Variants in TGIF1 observed in about 807,000 individuals in gnomAD.
TGIF1 encodes the protein homeobox protein TGIF1.
Under a neutral mutation model 19.3 loss-of-function variants are expected in TGIF1, and 4 were observed. That is an observed-to-expected ratio of 0.21 (90% CI 0.10 to 0.47). TGIF1 has a LOEUF of 0.47. Among genes scored for constraint, TGIF1 ranks in the 20% least tolerant of loss-of-function variants. The pLI is 0.98. For synonymous variants in TGIF1, 122 were observed against 129.3 expected (o/e 0.94, Z 0.38); for missense variants, 275 against 341.4 (o/e 0.81, Z 1.53).
chr18:3,452,263 C>T (rs1183002905), intron 1 of TGIF1: 1 of 1,609,902 alleles, frequency 6.2e-7, no homozygotes, highest in Non-Finnish European at 8.5e-7. Context: ...CGTGCCCTCT[C>T]CCCGGAGCTG....
At chr18:3,453,666 A>G in intron 1 of TGIF1, 6 of 395,544 alleles carry the variant, frequency 1.5e-5, no homozygotes, top group Non-Finnish European at 2.0e-5. Flanking sequence ...AGCCTGGGTG[A>G]CAAGAGCGAA....
intron 1 of TGIF1, among the ~76,000 whole-genome samples, chr18:3,454,736 G>T (rs925456807): frequency 2.6e-5 from 4 of 152,182 alleles, no homozygotes; most frequent in African/African-American, 9.7e-5. Flanking sequence ...TAAAACTTAG[G>T]ATTCTTGTGC....
upstream of TGIF1, chr18:3,448,637 A>AT: frequency 1.0e-6 from 1 of 980,424 alleles, no homozygotes; most frequent in Non-Finnish European, 1.2e-6. Context: ...TTCCCTGTTG[A>AT]TTCATTTTAG....
At chr18:3,447,743 A>G, upstream of TGIF1, 1 of 1,614,092 alleles carries the variant, frequency 6.2e-7, no homozygotes, top group Non-Finnish European at 8.5e-7. Context: ...TTTGGATATG[A>G]CTTGCTCGGG....
At position 3,415,340 on chromosome 18, in the gene TGIF1, T is replaced by C. The variant is rs549201772; in HGVS notation, c.-117-2803T>C. ...CTGGATGAGCAGAACTGGAATCTTA[T>C]GATGCGCAAAAGCCTATTGCGAAAT... On this transcript the variant is annotated intron_variant, in intron 1 of 3. Coordinates refer to the TGIF1 transcript ENST00000401449. 4 of 353,204 alleles carry C rather than the reference T, an allele frequency of 1.1e-5. No individual in the cohort carries two copies. The Admixed American group carries it at 1.1e-4, about 10-fold the overall frequency. The allele number at this position is 353,204 out of a possible 1,614,324, so 21.9% of individuals were successfully genotyped here. A position where few individuals can be genotyped will look rare whatever the true frequency, so the allele number is the denominator to read the frequency against.
chr18:3,429,859 C>G (rs1044159029), intron 2 of TGIF1, among the ~76,000 whole-genome samples: 1 of 152,224 alleles, frequency 6.6e-6, no homozygotes, highest in African/African-American at 2.4e-5. Flanking sequence ...AACACAATTA[C>G]CTGAAAAGGC....
At chr18:3,435,440 C>T (rs550659948) in intron 2 of TGIF1, among the ~76,000 whole-genome samples, 7 of 152,068 alleles carry the variant, frequency 4.6e-5, no homozygotes, top group African/African-American at 1.7e-4. Context: ...TCAGGCAATC[C>T]GCCTGCCTCG....
intron 1 of TGIF1, among the ~76,000 whole-genome samples, chr18:3,450,995 C>G (rs1228376414): frequency 7.1e-6 from 1 of 141,358 alleles, no homozygotes; most frequent in Non-Finnish European, 1.6e-5. Flanking sequence ...CGCCCCCCTA[C>G]TCCCAGCCGG....
intron 1 of TGIF1, among the ~76,000 whole-genome samples, chr18:3,453,158 G>C (rs2083040068): frequency 6.6e-6 from 1 of 151,846 alleles, no homozygotes; most frequent in Non-Finnish European, 1.5e-5. Context: ...GGCTGGTCTC[G>C]AACTCCTGGG....
At chr18:3,449,596 G>C (rs979547004), upstream of TGIF1, 1 of 982,754 alleles carries the variant, frequency 1.0e-6, no homozygotes, top group African/African-American at 1.8e-5. Flanking sequence ...AGAGCCCCGG[G>C]AGGAGAAGGG....
At chr18:3,453,745 G>T in intron 1 of TGIF1, 1 of 957,250 alleles carries the variant, frequency 1.0e-6, no homozygotes, top group Non-Finnish European at 1.2e-6. Context: ...TAGGGCGGTG[G>T]GATCCTCAGG....
rs770264815 is a variant in TGIF1, at chr18:3,456,570, C to G, written c.233C>G (p.Ser78Cys). The G allele has an allele frequency of 1.9e-6, 3 of 1,613,778 alleles. No individual in the cohort carries two copies. The highest frequency in any genetic ancestry group is 2.5e-6 in the Non-Finnish European group (3 of 1,179,626). Residue 78 changes from serine (S) to cysteine (C), a missense_variant, in exon 2 of 3, where the codon TCT becomes TGT. By Grantham distance (112) the Ser-to-Cys change is moderately radical (BLOSUM62 -1). Coordinates refer to ENST00000343820, the MANE Select transcript of TGIF1 (RefSeq NM_003244.4). This position sits in a 1 kb window ranked among gnomAD's most constrained non-coding sequence, Gnocchi z 4.2. Reference sequence around the variant, plus strand: ...TTGCTGTCCCAGCAAACACACCTGTCTACGCTACAGGTAAAGAAAGAGAGC... The same window carrying G: ...TTGCTGTCCCAGCAAACACACCTGTGTACGCTACAGGTAAAGAAAGAGAGC... ...KALLSQQTHL[S>C]TLQVCNWFIN... is the part of the protein sequence containing the mutation.
At chr18:3,416,056 G>GT (rs1345237001) in intron 1 of TGIF1, among the ~76,000 whole-genome samples, 8 of 152,278 alleles carry the variant, frequency 5.3e-5, no homozygotes, top group African/African-American at 1.9e-4. Flanking sequence ...ATTTGATATT[G>GT]TTTCTCAGAG....
rs111995711 is a variant in TGIF1, at chr18:3,423,433, A to G, written c.-45+5218A>G. ...AGTGGCTCACGCTTGTAATCCCAGCACTTTGGGAGGCCAGGGCGGGCAGAT... is the reference window on the plus strand; with the variant it reads ...AGTGGCTCACGCTTGTAATCCCAGCGCTTTGGGAGGCCAGGGCGGGCAGAT... On this transcript the variant is annotated intron_variant, in intron 2 of 3. Transcript: ENST00000401449. 2.9e-3 allele frequency among the ~76,000 whole-genome samples: 444 copies of G among 152,136 alleles called. 3 individuals are homozygous for G. The highest frequency in any genetic ancestry group is 0.01 in the African/African-American group (424 of 41,510).
intron 1 of TGIF1, among the ~76,000 whole-genome samples, chr18:3,454,704 G>A (rs748764996): frequency 1.3e-5 from 2 of 152,218 alleles, no homozygotes; most frequent in East Asian, 3.9e-4. Flanking sequence ...TCAGGGGAGG[G>A]GAATTTCAAA....
At chr18:3,420,980 T>C (rs1425387449) in intron 2 of TGIF1, among the ~76,000 whole-genome samples, 1 of 152,182 alleles carries the variant, frequency 6.6e-6, no homozygotes, top group African/African-American at 2.4e-5. Context: ...AGAAATTATA[T>C]ACAGTCATGT....
intron 2 of TGIF1, among the ~76,000 whole-genome samples, chr18:3,436,090 C>T (rs1326344191): frequency 3.3e-5 from 5 of 152,186 alleles, no homozygotes; most frequent in Non-Finnish European, 7.3e-5. Flanking sequence ...CGCCTGAGCA[C>T]GTTCCTCTTT....
chr18:3,447,904 C>T, upstream of TGIF1: 1 of 1,516,018 alleles, frequency 6.6e-7, no homozygotes, highest in Non-Finnish European at 9.1e-7. Context: ...GCTATAAACC[C>T]TTTCCAATTC....
chr18:3,439,470 A>T (rs1430863474), intron 2 of TGIF1, among the ~76,000 whole-genome samples: 1 of 151,420 alleles, frequency 6.6e-6, no homozygotes, highest in African/African-American at 2.4e-5. Flanking sequence ...CAGCCACCCG[A>T]TTAGCTGGGA....
Sources: allele counts gnomAD v4.1 joint callset (sites outside exome capture counted in the v4.1 genomes callset), GRCh38; gene constraint gnomAD v4.1.1; non-coding constraint Gnocchi (gnomAD v3.1); transcripts MANE v1.5; gene names NCBI Gene and HGNC (gene_info 2026-07-23, HGNC 2026-07-21).